Variants in KLRG1 observed in about 807,000 individuals in gnomAD.
KLRG1 encodes killer cell lectin-like receptor subfamily G member 1.
In KLRG1, 16 loss-of-function variants were observed where a neutral mutation model predicts 21.8. The ratio of observed to expected loss-of-function variants is 0.73; its 90% CI spans 0.50 to 1.11. The LOEUF is 1.11. KLRG1 is among the 50% of genes most tolerant of loss of function. The pLI is 0.00. For missense variants in KLRG1, 173 were observed against 218.3 expected, an observed-to-expected ratio of 0.79 and a Z score of 1.31; for synonymous variants, 69 against 75.9, an observed-to-expected ratio of 0.91 and a Z score of 0.47.
At chr12:9,097,674 C>T in the KLRG1 span, among the ~76,000 whole-genome samples, 2 of 147,034 alleles carry the variant, frequency 1.4e-5, no homozygotes, top group African/African-American at 2.6e-5. Context: ...TGCTCTATTG[C>T]CCAGGCTGGA....
At chr12:8,997,705 T>G (rs751282611) in intron 3 of KLRG1, among the ~76,000 whole-genome samples, 19 of 152,240 alleles carry the variant, frequency 1.2e-4, no homozygotes, top group Non-Finnish European at 2.4e-4. Context: ...CTTAGATCAC[T>G]TACGGCAAAG....
At chr12:8,971,197 A>C (rs1343873052) in intron 1 of KLRG1, 2 of 152,016 alleles carry the variant, frequency 1.3e-5, no homozygotes, top group African/African-American at 2.4e-5. Flanking sequence ...ATGCTATTGA[A>C]GTCACCTGAG....
chr12:9,034,736 C>G, the KLRG1 span, among the ~76,000 whole-genome samples: 1 of 152,144 alleles, frequency 6.6e-6, no homozygotes, highest in Non-Finnish European at 1.5e-5. Flanking sequence ...CGTGAGGCAC[C>G]GTGCCTGGCC....
the KLRG1 span, among the ~76,000 whole-genome samples, chr12:9,016,682 G>A: frequency 6.6e-6 from 1 of 152,026 alleles, no homozygotes; most frequent in Non-Finnish European, 1.5e-5. Flanking sequence ...GCACGATCTC[G>A]GCCCACTACA....
chr12:9,178,999 A>G, the KLRG1 span, among the ~76,000 whole-genome samples: 1 of 152,248 alleles, frequency 6.6e-6, no homozygotes, highest in South Asian at 2.1e-4. Context: ...TTGAAAGGTA[A>G]TAATACCTCC....
At chr12:9,054,913 T>TAG in the KLRG1 span, among the ~76,000 whole-genome samples, 4 of 152,224 alleles carry the variant, frequency 2.6e-5, no homozygotes, top group Non-Finnish European at 5.9e-5. Context: ...GTTTTTGGAT[T>TAG]AGGGATACTC....
chr12:8,977,561 G>T (rs1460493275), intron 1 of KLRG1, among the ~76,000 whole-genome samples: 1 of 151,768 alleles, frequency 6.6e-6, no homozygotes, highest in Admixed American at 6.6e-5. Context: ...CTTTTGATTG[G>T]GGATTTTATT....
the KLRG1 span, chr12:9,203,916 G>T: frequency 2.5e-5 from 40 of 1,613,902 alleles, no homozygotes; most frequent in Non-Finnish European, 3.1e-5. Flanking sequence ...AGGGGCCTCA[G>T]TGTGGAGCAG....
the KLRG1 span, among the ~76,000 whole-genome samples, chr12:9,070,867 C>G: frequency 6.6e-6 from 1 of 151,232 alleles, no homozygotes; most frequent in Non-Finnish European, 1.5e-5. Flanking sequence ...CTTGCCCAGG[C>G]TGGAGTGCAA....
the KLRG1 span, among the ~76,000 whole-genome samples, chr12:9,198,053 T>C: frequency 6.8e-6 from 1 of 147,656 alleles, no homozygotes; most frequent in Admixed American, 7.0e-5. Context: ...AACATATATA[T>C]ATATATGTTT....
At chr12:9,136,655 A>G in the KLRG1 span, among the ~76,000 whole-genome samples, 2 of 152,142 alleles carry the variant, frequency 1.3e-5, no homozygotes, top group African/African-American at 4.8e-5. Flanking sequence ...AACAGTATAC[A>G]AAGATTCCAG....
the KLRG1 span, among the ~76,000 whole-genome samples, chr12:9,021,529 T>C: frequency 6.6e-6 from 1 of 151,562 alleles, no homozygotes; most frequent in African/African-American, 2.4e-5. Flanking sequence ...GCCTCCCGAG[T>C]AGCTGGGCCT....
At chr12:9,060,499 G>A in the KLRG1 span, among the ~76,000 whole-genome samples, 1 of 152,126 alleles carries the variant, frequency 6.6e-6, no homozygotes, top group Non-Finnish European at 1.5e-5. Flanking sequence ...CAACGTGGTG[G>A]TGGGCGCCTA....
At chr12:9,047,378 G>T in the KLRG1 span, among the ~76,000 whole-genome samples, 1 of 152,174 alleles carries the variant, frequency 6.6e-6, no homozygotes, top group Non-Finnish European at 1.5e-5. Flanking sequence ...AGTTGTAAAT[G>T]TATATTGCAA....
At chr12:9,130,802 A>T in the KLRG1 span, among the ~76,000 whole-genome samples, 3 of 151,330 alleles carry the variant, frequency 2.0e-5, no homozygotes, top group Non-Finnish European at 2.9e-5. Flanking sequence ...TTCAAGTTTG[A>T]TGTAGTCCCA....
the KLRG1 span, chr12:9,028,643 C>T: frequency 2.6e-6 from 1 of 382,520 alleles, no homozygotes; most frequent in South Asian, 2.2e-5. Flanking sequence ...GGGATTTCAC[C>T]ATTTTGTCCA....
chr12:8,992,030 G>T, intron 1 of KLRG1, 176 bp from the exon 2 acceptor site: 1 of 535,694 alleles, frequency 1.9e-6, no homozygotes. Flanking sequence ...AGGTGTTGGT[G>T]GTTACCTTAG....
intron 1 of KLRG1, among the ~76,000 whole-genome samples, chr12:8,984,260 T>C (rs1946806749): frequency 6.6e-6 from 1 of 152,176 alleles, no homozygotes; most frequent in Non-Finnish European, 1.5e-5. Context: ...TGGAGTGCCG[T>C]AGTGCAATCT....
chr12:9,172,997 T>C, the KLRG1 span, among the ~76,000 whole-genome samples: 1 of 152,160 alleles, frequency 6.6e-6, no homozygotes, highest in Non-Finnish European at 1.5e-5. Context: ...TCTACAGAAC[T>C]CTCCACCAAA....
Sources: allele counts gnomAD v4.1 joint callset (sites outside exome capture counted in the v4.1 genomes callset), GRCh38; gene constraint gnomAD v4.1.1; transcripts MANE v1.5; gene names NCBI Gene and HGNC (gene_info 2026-07-23, HGNC 2026-07-21).